NEBL: variants seen among roughly 807,000 people sequenced by gnomAD.
NEBL encodes the protein nebulette.
A neutral mutation model predicts 140.2 loss-of-function variants in NEBL; 122 were observed. That is an observed-to-expected ratio of 0.87 (90% confidence interval 0.75 to 1.01). The LOEUF (loss-of-function observed/expected upper bound fraction) is 1.01. Ranked by LOEUF, NEBL falls within the 50% of genes least tolerant of loss-of-function variation. NEBL has a pLI of 0.00. For missense variants in NEBL, 1,365 were observed against 1,231.3 expected, an observed-to-expected ratio of 1.11 and a Z score of -1.62; for synonymous variants, 436 against 398.9, an observed-to-expected ratio of 1.09 and a Z score of -1.11.
upstream of NEBL, among the ~76,000 whole-genome samples, chr10:20,898,644 A>ACT (rs1847688892): frequency 1.3e-5 from 2 of 152,184 alleles, no homozygotes; most frequent in African/African-American, 4.8e-5. Context: ...TGCCACTTAG[A>ACT]GATCTACAAG....
intron 26 of NEBL, among the ~76,000 whole-genome samples, chr10:20,789,326 T>A (rs1588596996): frequency 6.6e-6 from 1 of 152,394 alleles, no homozygotes; most frequent in Middle Eastern, 3.4e-3. Context: ...TTACACCATT[T>A]AACTGTGAAC....
intron 3 of NEBL, among the ~76,000 whole-genome samples, chr10:21,225,760 T>C (rs1589336773): frequency 1.3e-5 from 2 of 152,176 alleles, no homozygotes; most frequent in African/African-American, 4.8e-5. Context: ...CTGTAAGGCC[T>C]GGAACTCTTC....
chr10:21,073,508 T>C (rs1466911615), intron 2 of NEBL, among the ~76,000 whole-genome samples: 2 of 149,532 alleles, frequency 1.3e-5, no homozygotes, highest in Non-Finnish European at 3.0e-5. Context: ...TCCGAGCTAC[T>C]CAGGAGGCCA....
At chr10:20,805,217 A>T (rs1837496069) in intron 26 of NEBL, among the ~76,000 whole-genome samples, 1 of 152,198 alleles carries the variant, frequency 6.6e-6, no homozygotes, top group Admixed American at 6.5e-5. Context: ...AGATTTCTGC[A>T]GGGAAGGGGG....
rs1588795969 is a variant in NEBL, at chr10:20,850,634, G to C, written c.1009-132C>G. 3.1e-5 allele frequency: 20 copies of C among 647,558 alleles called. No individual in the cohort carries two copies. In the East Asian group the frequency reaches 5.5e-4, roughly 18 times the overall value. The allele number at this position is 647,558 out of a possible 1,614,324, so 40.1% of individuals were successfully genotyped here. ...ATATTATTCTGGCCATTTAGGTTGAGCACTGGGTTCCCTTTGGTTAATGAC... is the reference window on the plus strand; with the variant it reads ...ATATTATTCTGGCCATTTAGGTTGACCACTGGGTTCCCTTTGGTTAATGAC... On this transcript the variant is annotated intron_variant, in intron 10 of 27. Coordinates refer to ENST00000377122, the MANE Select transcript of NEBL (RefSeq NM_006393.3).
chr10:21,007,336 T>A (rs534634186), intron 3 of NEBL, among the ~76,000 whole-genome samples: 1 of 152,300 alleles, frequency 6.6e-6, no homozygotes, highest in Admixed American at 6.5e-5. Flanking sequence ...CTTATACAGA[T>A]AAGTTACAGG....
At chr10:20,793,540 TTTTC>T (rs1342291755) in intron 26 of NEBL, among the ~76,000 whole-genome samples, 1 of 151,178 alleles carries the variant, frequency 6.6e-6, no homozygotes, top group African/African-American at 2.4e-5. Flanking sequence ...GGTGTCTTAT[TTTTC>T]TTTCTTTCTT....
intron 2 of NEBL, among the ~76,000 whole-genome samples, chr10:21,142,947 T>C (rs1436372396): frequency 1.3e-5 from 2 of 152,188 alleles, no homozygotes; most frequent in Non-Finnish European, 2.9e-5. Flanking sequence ...CTGGACTTTA[T>C]AATCTTCAGG....
intron 4 of NEBL, among the ~76,000 whole-genome samples, chr10:20,943,022 T>A (rs1335187902): frequency 2.0e-5 from 3 of 152,174 alleles, no homozygotes; most frequent in Admixed American, 1.3e-4. Context: ...ATTGTGGAAG[T>A]CAGTGTGGTG....
intron 2 of NEBL, chr10:21,030,907 T>C (rs910917795): frequency 2.6e-5 from 7 of 273,522 alleles, no homozygotes; most frequent in African/African-American, 1.6e-4. Flanking sequence ...AAATGGTATC[T>C]GAAAGATCAG....
chr10:20,813,548 C>T (rs1322863260), intron 23 of NEBL, among the ~76,000 whole-genome samples: 1 of 152,086 alleles, frequency 6.6e-6, no homozygotes, highest in Admixed American at 6.6e-5. Context: ...TAAATTACAT[C>T]TGATAATATA....
At chr10:20,854,018 A>G (rs1167917729) in intron 9 of NEBL, among the ~76,000 whole-genome samples, 1 of 152,150 alleles carries the variant, frequency 6.6e-6, no homozygotes, top group African/African-American at 2.4e-5. Flanking sequence ...ATATACAACC[A>G]TTATGTATCA....
intron 1 of NEBL, among the ~76,000 whole-genome samples, chr10:21,253,480 T>C (rs976112747): frequency 6.6e-6 from 1 of 151,818 alleles, no homozygotes; most frequent in Non-Finnish European, 1.5e-5. Flanking sequence ...CTAGACAACA[T>C]TGAGGGTAGG....
At chr10:21,228,872 C>G (rs1488995619) in intron 3 of NEBL, among the ~76,000 whole-genome samples, 1 of 152,068 alleles carries the variant, frequency 6.6e-6, no homozygotes, top group African/African-American at 2.4e-5. Context: ...TGCCCTTGTG[C>G]TTGGATGGGA....
At chr10:20,885,756 ATAT>A (rs1846458959) in intron 4 of NEBL, among the ~76,000 whole-genome samples, 1 of 152,216 alleles carries the variant, frequency 6.6e-6, no homozygotes, top group Admixed American at 6.5e-5. Context: ...TGCTTGTCAC[ATAT>A]CAAGTGTTGG....
upstream of NEBL, among the ~76,000 whole-genome samples, chr10:21,176,267 T>G (rs1262885275): frequency 6.6e-6 from 1 of 152,196 alleles, no homozygotes; most frequent in East Asian, 1.9e-4. Context: ...CCTCCCAAAG[T>G]GCTAGGATTA....
intron 2 of NEBL, among the ~76,000 whole-genome samples, chr10:21,094,632 A>C (rs977387504): frequency 6.6e-6 from 1 of 151,808 alleles, no homozygotes; most frequent in African/African-American, 2.4e-5. Flanking sequence ...CAGTGAGCTG[A>C]GATTGCCCTA....
At chr10:20,951,099 A>G (rs1835438861) in intron 4 of NEBL, among the ~76,000 whole-genome samples, 1 of 152,222 alleles carries the variant, frequency 6.6e-6, no homozygotes, top group Admixed American at 6.5e-5. Context: ...GGCAAACCTT[A>G]TCTCTATTCG....
chr10:21,050,960 CTT>C (rs746136563), intron 2 of NEBL, among the ~76,000 whole-genome samples: 73 of 152,284 alleles, frequency 4.8e-4, no homozygotes, highest in Non-Finnish European at 8.5e-4. Flanking sequence ...TGCCTATTGA[CTT>C]TGCACCTAGA....
Sources: allele counts gnomAD v4.1 joint callset (sites outside exome capture counted in the v4.1 genomes callset), GRCh38; gene constraint gnomAD v4.1.1; transcripts MANE v1.5; gene names NCBI Gene and HGNC (gene_info 2026-07-23, HGNC 2026-07-21).